The following GPC6 variants were observed in gnomAD, a reference collection of about 807,000 sequenced individuals.
GPC6 encodes the protein glypican-6.
A neutral mutation model predicts 55.2 loss-of-function variants in GPC6; 14 were observed. That is an observed-to-expected ratio of 0.25 (90% confidence interval 0.17 to 0.40). GPC6 has a LOEUF of 0.40. GPC6 is among the 10% of genes least tolerant of loss of function. GPC6 has a pLI of 1.00. For synonymous variants in GPC6, 278 were observed against 259.6 expected (o/e 1.07, Z -0.68); for missense variants, 641 against 708.5 (o/e 0.90, Z 1.08).
intron 3 of GPC6, among the ~76,000 whole-genome samples, chr13:93,883,778 T>A (rs2140312003): frequency 6.6e-6 from 1 of 152,258 alleles, no homozygotes; most frequent in Non-Finnish European, 1.5e-5. Context: ...GTGGCTTAGA[T>A]TCATTGTTTT....
chr13:93,742,710 TAAG>T lies in GPC6; in HGVS notation c.320-87440_320-87438del, dbSNP rs1159083189. ...CTGTTATCAAAGATCATCACACTGA[TAAG>T]AAGCATGCTCATCAAATTTGCTAAT... On this transcript the variant is annotated intron_variant, in intron 2 of 8. Coordinates refer to ENST00000377047, the MANE Select transcript of GPC6 (RefSeq NM_005708.5). 3.3e-5 allele frequency among the ~76,000 whole-genome samples: 5 copies of T among 152,286 alleles called. No individual in the cohort carries two copies. The East Asian group carries it at 9.6e-4, about 29-fold the overall frequency.
At chr13:93,270,013 A>C (rs986378598) in intron 1 of GPC6, among the ~76,000 whole-genome samples, 15 of 151,534 alleles carry the variant, frequency 9.9e-5, no homozygotes, top group Admixed American at 2.0e-4. Flanking sequence ...CTGGAGTCCC[A>C]GTCTTTGGGA....
chr13:94,319,056 T>A (rs1169814815), intron 6 of GPC6, among the ~76,000 whole-genome samples: 1 of 152,158 alleles, frequency 6.6e-6, no homozygotes, highest in Non-Finnish European at 1.5e-5. Context: ...TTGGAACACT[T>A]AGTTCACCTA....
intron 2 of GPC6, among the ~76,000 whole-genome samples, chr13:93,574,922 AGACAATCTATGTATAGT>A (rs1876585113): frequency 1.3e-5 from 2 of 152,184 alleles, no homozygotes; most frequent in Admixed American, 1.3e-4. Context: ...ATTTTCCCCA[AGACAATCTATGTATAGT>A]GACAAACCCA....
chr13:93,258,146 T>C (rs1877016675), intron 1 of GPC6, among the ~76,000 whole-genome samples: 1 of 152,196 alleles, frequency 6.6e-6, no homozygotes, highest in African/African-American at 2.4e-5. Flanking sequence ...AGAGCTTCCC[T>C]AAAGTTACAG....
At chr13:93,805,994 T>C (rs1330887503) in intron 2 of GPC6, among the ~76,000 whole-genome samples, 1 of 152,218 alleles carries the variant, frequency 6.6e-6, no homozygotes, top group Non-Finnish European at 1.5e-5. Flanking sequence ...CGCTATGCCT[T>C]AGGTCACTGT....
chr13:93,944,425 C>T (rs1236852506), intron 3 of GPC6, among the ~76,000 whole-genome samples: 3 of 152,010 alleles, frequency 2.0e-5, no homozygotes, highest in African/African-American at 4.8e-5. Flanking sequence ...AGGATGGTCT[C>T]GATCTCCTGA....
At chr13:94,352,952 T>C (rs1878623540) in intron 6 of GPC6, among the ~76,000 whole-genome samples, 1 of 152,226 alleles carries the variant, frequency 6.6e-6, no homozygotes, top group Non-Finnish European at 1.5e-5. Context: ...GAGAACTGTA[T>C]GTCCTTTAGC....
At chr13:94,123,688 C>G (rs942288288) in intron 4 of GPC6, among the ~76,000 whole-genome samples, 1 of 151,662 alleles carries the variant, frequency 6.6e-6, no homozygotes, top group African/African-American at 2.4e-5. Context: ...TATGCATGCA[C>G]GCATATGTTT....
intron 3 of GPC6, among the ~76,000 whole-genome samples, chr13:94,014,348 A>G (rs943606112): frequency 7.2e-5 from 11 of 152,140 alleles, no homozygotes; most frequent in African/African-American, 2.7e-4. Context: ...TTCAGGGTTG[A>G]TATTATTTAG....
intron 3 of GPC6, among the ~76,000 whole-genome samples, chr13:93,973,382 A>G (rs114841691): frequency 6.6e-6 from 1 of 152,212 alleles, no homozygotes; most frequent in African/African-American, 2.4e-5. Context: ...TAGGCTGCAC[A>G]TGAACGTATT....
At chr13:93,295,854 G>A (rs544282162) in intron 1 of GPC6, among the ~76,000 whole-genome samples, 15 of 152,224 alleles carry the variant, frequency 9.9e-5, no homozygotes, top group Admixed American at 3.3e-4. Flanking sequence ...GATTACAGGC[G>A]TGTGCCATCA....
At chr13:93,450,510 G>C (rs1443808591) in intron 1 of GPC6, among the ~76,000 whole-genome samples, 3 of 152,214 alleles carry the variant, frequency 2.0e-5, no homozygotes, top group Admixed American at 6.5e-5. Flanking sequence ...TTCAGTACTT[G>C]TTGCTGCAAG....
At chr13:93,972,927 G>GTCTC (rs577057713) in intron 3 of GPC6, among the ~76,000 whole-genome samples, 2 of 136,724 alleles carry the variant, frequency 1.5e-5, no homozygotes, top group Non-Finnish European at 3.2e-5. Context: ...CTGTCTCTCT[G>GTCTC]TCTCTCTCTC....
chr13:93,242,732 A>C (rs1280790267), intron 1 of GPC6, among the ~76,000 whole-genome samples: 1 of 152,132 alleles, frequency 6.6e-6, no homozygotes, highest in Non-Finnish European at 1.5e-5. Flanking sequence ...CGGACACAGA[A>C]AAGCCTGCAC....
At chr13:93,253,229 T>A (rs531053690) in intron 1 of GPC6, among the ~76,000 whole-genome samples, 1 of 152,256 alleles carries the variant, frequency 6.6e-6, no homozygotes, top group South Asian at 2.1e-4. Context: ...TAGAGGAAAT[T>A]TAGTTTAAAA....
chr13:93,221,869 C>T (rs1875637399), upstream of GPC6, among the ~76,000 whole-genome samples: 1 of 152,118 alleles, frequency 6.6e-6, no homozygotes, highest in South Asian at 2.1e-4. Context: ...GTCCATTCTC[C>T]TGTTTTCCTA....
chr13:93,926,394 G>A (rs1356755417), intron 3 of GPC6, among the ~76,000 whole-genome samples: 1 of 152,196 alleles, frequency 6.6e-6, no homozygotes, highest in African/African-American at 2.4e-5. Context: ...GGACAGTTTT[G>A]TATATGGATT....
At chr13:93,515,641 C>T (rs1307491418) in intron 1 of GPC6, among the ~76,000 whole-genome samples, 1 of 152,090 alleles carries the variant, frequency 6.6e-6, no homozygotes, top group Non-Finnish European at 1.5e-5. Context: ...TGTAAGTCAC[C>T]CAGTAAAATT....
Sources: gnomAD v4.1 joint callset for allele counts (sites outside exome capture counted in the v4.1 genomes callset) on GRCh38, gnomAD v4.1.1 for gene constraint, MANE v1.5 for transcripts, NCBI Gene and HGNC (gene_info 2026-07-23, HGNC 2026-07-21) for gene names.